GPC6: variants seen among roughly 807,000 people sequenced by gnomAD.
GPC6 encodes the protein glypican-6.
In GPC6, 14 loss-of-function variants were observed where a neutral mutation model predicts 55.2. That is an observed-to-expected ratio of 0.25 (90% CI 0.17 to 0.40). The LOEUF is 0.40. Ranked by LOEUF, GPC6 falls within the 10% of genes least tolerant of loss-of-function variation. The probability of loss-of-function intolerance (pLI) is 1.00; values close to 1 mark genes in which losing one functional copy is unlikely to be tolerated. For synonymous variants in GPC6, 278 were observed against 259.6 expected, an observed-to-expected ratio of 1.07 and a Z score of -0.68; for missense variants, 641 against 708.5, an observed-to-expected ratio of 0.90 and a Z score of 1.08.
intron 1 of GPC6, among the ~76,000 whole-genome samples, chr13:93,342,695 AGT>A (rs1012370520): frequency 5.9e-5 from 9 of 152,098 alleles, no homozygotes; most frequent in African/African-American, 2.2e-4. Context: ...AAGAGAAATG[AGT>A]GGATTTGAGA....
chr13:94,353,607 C>T (rs1048107942), intron 6 of GPC6, among the ~76,000 whole-genome samples: 1 of 152,090 alleles, frequency 6.6e-6, no homozygotes, highest in Admixed American at 6.5e-5. Flanking sequence ...ACACACATTC[C>T]TCTTTAAATG....
chr13:93,362,273 C>A (rs186306620), intron 1 of GPC6, among the ~76,000 whole-genome samples: 87 of 152,300 alleles, frequency 5.7e-4, no homozygotes, highest in Non-Finnish European at 9.4e-4. Flanking sequence ...GCCCTGTATT[C>A]TTCCAAGGTC....
intron 3 of GPC6, among the ~76,000 whole-genome samples, chr13:93,862,517 G>T (rs953683833): frequency 3.3e-5 from 5 of 151,570 alleles, no homozygotes; most frequent in Non-Finnish European, 7.4e-5. Flanking sequence ...AGATTGTGGT[G>T]CATGTGTCCC....
chr13:93,974,405 A>G (rs1880428139), intron 3 of GPC6, among the ~76,000 whole-genome samples: 1 of 152,214 alleles, frequency 6.6e-6, no homozygotes, highest in Non-Finnish European at 1.5e-5. Context: ...TTTTCTTTTC[A>G]TAATATCTTA....
intron 2 of GPC6, among the ~76,000 whole-genome samples, chr13:93,724,325 T>C (rs1215107734): frequency 6.6e-6 from 1 of 151,980 alleles, no homozygotes; most frequent in Non-Finnish European, 1.5e-5. Flanking sequence ...AATTAAAGCA[T>C]GTAATTTTGT....
chr13:93,656,413 A>C (rs1022251899), intron 2 of GPC6, among the ~76,000 whole-genome samples: 1 of 152,180 alleles, frequency 6.6e-6, no homozygotes, highest in South Asian at 2.1e-4. Context: ...CATCATTACT[A>C]TAATGCTATC....
intron 2 of GPC6, among the ~76,000 whole-genome samples, chr13:93,668,818 T>C (rs139341839): frequency 1.4e-3 from 207 of 152,326 alleles, no homozygotes; most frequent in African/African-American, 4.8e-3. Context: ...AAGTTCATGA[T>C]AGTTTGACAT....
chr13:93,487,528 T>A (rs1380978054), intron 1 of GPC6, among the ~76,000 whole-genome samples: 1 of 152,188 alleles, frequency 6.6e-6, no homozygotes, highest in Non-Finnish European at 1.5e-5. Context: ...AACATGAGTG[T>A]AGAACTATAT....
chr13:93,893,731 T>G (rs919159294), intron 3 of GPC6, among the ~76,000 whole-genome samples: 1 of 152,194 alleles, frequency 6.6e-6, no homozygotes, highest in Non-Finnish European at 1.5e-5. Flanking sequence ...TGAGCTTTCC[T>G]CTCTCTTCCA....
intron 2 of GPC6, among the ~76,000 whole-genome samples, chr13:93,677,435 T>A (rs765043290): frequency 6.6e-6 from 1 of 152,092 alleles, no homozygotes; most frequent in African/African-American, 2.4e-5. Flanking sequence ...GTGTTAATGA[T>A]TAAAGGAAGT....
At chr13:93,264,595 G>A (rs1208970677) in intron 1 of GPC6, among the ~76,000 whole-genome samples, 1 of 151,894 alleles carries the variant, frequency 6.6e-6, no homozygotes, top group Non-Finnish European at 1.5e-5. Flanking sequence ...TTTTTCGGTA[G>A]AAACAAGGTC....
At chr13:94,225,008 A>G (rs1299104102) in intron 4 of GPC6, among the ~76,000 whole-genome samples, 1 of 151,962 alleles carries the variant, frequency 6.6e-6, no homozygotes, top group Non-Finnish European at 1.5e-5. Flanking sequence ...AGAAAGCTCT[A>G]CTCTGGTCTG....
At chr13:93,988,098 A>G (rs1012395800) in intron 3 of GPC6, among the ~76,000 whole-genome samples, 6 of 152,084 alleles carry the variant, frequency 3.9e-5, no homozygotes, top group African/African-American at 1.4e-4. Flanking sequence ...CAGAATTACC[A>G]CGGGTAGTTT....
intron 1 of GPC6, among the ~76,000 whole-genome samples, chr13:93,474,848 T>C (rs1879248408): frequency 6.6e-6 from 1 of 152,196 alleles, no homozygotes; most frequent in Non-Finnish European, 1.5e-5. Flanking sequence ...ATAATGCTAT[T>C]GTTCCATCAG....
intron 2 of GPC6, among the ~76,000 whole-genome samples, chr13:93,564,652 AT>A (rs57745612): frequency 1.2e-4 from 18 of 152,118 alleles, no homozygotes; most frequent in South Asian, 2.1e-4. Context: ...CAGTGAAATA[AT>A]TTTTTTTCCC....
chr13:93,633,670 A>G (rs1187253332), intron 2 of GPC6, among the ~76,000 whole-genome samples: 1 of 149,290 alleles, frequency 6.7e-6, no homozygotes, highest in Admixed American at 6.6e-5. Context: ...AAATAAATAA[A>G]TAAATAACCA....
At chr13:94,354,465 G>C (rs1878700105) in intron 6 of GPC6, among the ~76,000 whole-genome samples, 1 of 152,116 alleles carries the variant, frequency 6.6e-6, no homozygotes, top group Non-Finnish European at 1.5e-5. Flanking sequence ...ATAAAATAAA[G>C]TGCTTATTTG....
chr13:94,018,221 GAC>G (rs1882553803), intron 3 of GPC6, among the ~76,000 whole-genome samples: 1 of 151,328 alleles, frequency 6.6e-6, no homozygotes. Flanking sequence ...GTATTATATT[GAC>G]AGTTTCTTAT....
intron 4 of GPC6, among the ~76,000 whole-genome samples, chr13:94,271,199 G>C (rs1240524927): frequency 6.6e-6 from 1 of 151,188 alleles, no homozygotes; most frequent in Non-Finnish European, 1.5e-5. Flanking sequence ...CACCGTGTTA[G>C]CCAGGATGGT....
Sources: allele counts gnomAD v4.1 joint callset (sites outside exome capture counted in the v4.1 genomes callset), GRCh38; gene constraint gnomAD v4.1.1; transcripts MANE v1.5; gene names NCBI Gene and HGNC (gene_info 2026-07-23, HGNC 2026-07-21).